RNLS: variants seen among roughly 807,000 people sequenced by gnomAD.
RNLS encodes renalase, FAD dependent amine oxidase, also known as renalase.
In RNLS, 39 loss-of-function variants were observed where a neutral mutation model predicts 39.8. The observed-to-expected ratio is 0.98, with a 90% CI of 0.76 to 1.28. The LOEUF (loss-of-function observed/expected upper bound fraction) is 1.28, where lower values mean the gene tolerates loss of function less well. Among genes scored for constraint, RNLS ranks in the 50% most tolerant of loss-of-function variants. The pLI is 0.00. For missense variants in RNLS, 410 were observed against 413.3 expected (o/e 0.99, Z 0.07); for synonymous variants, 147 against 150.7 (o/e 0.98, Z 0.18).
chr10:88,193,246 G>T, the RNLS span, among the ~76,000 whole-genome samples: 2 of 152,274 alleles, frequency 1.3e-5, no homozygotes, highest in African/African-American at 2.4e-5. Context: ...CCCACAGAGC[G>T]AGTGTGTGCC....
chr10:88,340,367 A>G (rs1847839098), intron 5 of RNLS, among the ~76,000 whole-genome samples: 1 of 152,222 alleles, frequency 6.6e-6, no homozygotes, highest in African/African-American at 2.4e-5. Context: ...TGTGAGACAG[A>G]TCTCTCCTAT....
intron 4 of RNLS, among the ~76,000 whole-genome samples, chr10:88,404,371 T>C (rs571170299): frequency 6.6e-6 from 1 of 152,112 alleles, no homozygotes; most frequent in African/African-American, 2.4e-5. Flanking sequence ...ATCTGGATAA[T>C]GAAAGAGTTC....
intron 4 of RNLS, among the ~76,000 whole-genome samples, chr10:88,403,865 T>C (rs1287287274): frequency 6.6e-6 from 1 of 151,772 alleles, no homozygotes; most frequent in South Asian, 2.1e-4. Context: ...GGAGACCCTG[T>C]CTCTACAAAA....
In RNLS at chr10:88,284,295, T is replaced by G. The variant is rs1175052869; in HGVS notation, c.*1059A>C. 1.0e-6 allele frequency: 1 copy of G among 985,362 alleles called. No homozygotes were observed. The highest frequency in any genetic ancestry group is 1.2e-6 in the Non-Finnish European group (1 of 829,896). 61.0% of individuals were successfully genotyped at this position (985,362 alleles called of 1,614,324 possible). The stretch of plus-strand genomic sequence containing the variant: ...TAAGAAGTCTTTTGTTGAACTTTTG[T>G]TAGTTTGAGAGGCTGCAATGATTTT... On this transcript the variant is annotated 3_prime_UTR_variant, in exon 7 of 7. Transcript: ENST00000331772.
At chr10:88,378,808 AG>A (rs1851228370) in intron 4 of RNLS, among the ~76,000 whole-genome samples, 1 of 152,226 alleles carries the variant, frequency 6.6e-6, no homozygotes, top group Non-Finnish European at 1.5e-5. Context: ...AAGGCTCCCA[AG>A]TCATGTAAAA....
chr10:88,455,891 C>T (rs1240899649), intron 4 of RNLS, among the ~76,000 whole-genome samples: 1 of 152,114 alleles, frequency 6.6e-6, no homozygotes, highest in African/African-American at 2.4e-5. Context: ...ATCATTTGAT[C>T]TTTTTGTTTT....
the RNLS span, among the ~76,000 whole-genome samples, chr10:88,216,935 C>A: frequency 2.0e-5 from 3 of 152,072 alleles, no homozygotes; most frequent in South Asian, 6.2e-4. Context: ...GTTGCCCAGG[C>A]GCTGGTTAGG....
At position 88,285,281 on chromosome 10, in the gene RNLS, A is replaced by G; in HGVS notation, c.*73T>C. The G allele has an allele frequency of 7.0e-7, 1 of 1,437,738 alleles. No homozygotes were observed. The highest frequency in any genetic ancestry group is 9.2e-7 in the Non-Finnish European group (1 of 1,087,556). 89.1% of individuals were successfully genotyped at this position (1,437,738 alleles called of 1,614,324 possible). A position where few individuals can be genotyped will look rare whatever the true frequency, so the allele number is the denominator to read the frequency against. On this transcript the variant is annotated 3_prime_UTR_variant, in exon 7 of 7. Coordinates refer to ENST00000331772, the MANE Select transcript of RNLS (RefSeq NM_001031709.3). ...AGTAATTTTTCTTAGCAAAATAGAAAACAAAATAATCAATAACAGAAAATT... is the reference window on the plus strand; with the variant it reads ...AGTAATTTTTCTTAGCAAAATAGAAGACAAAATAATCAATAACAGAAAATT...
the RNLS span, among the ~76,000 whole-genome samples, chr10:88,203,383 TATAC>T: frequency 2.6e-4 from 3 of 11,522 alleles, no homozygotes; most frequent in African/African-American, 1.0e-3. Flanking sequence ...TATATATATA[TATAC>T]ACGTATGTGT....
intron 4 of RNLS, among the ~76,000 whole-genome samples, chr10:88,568,447 T>C (rs187474023): frequency 6.6e-6 from 1 of 152,098 alleles, no homozygotes; most frequent in African/African-American, 2.4e-5. Flanking sequence ...AACCACTGAA[T>C]TGTACATTTT....
chr10:88,464,757 G>GAA (rs34553557), intron 4 of RNLS, among the ~76,000 whole-genome samples: 12 of 150,604 alleles, frequency 8.0e-5, no homozygotes, highest in African/African-American at 2.2e-4. Flanking sequence ...GCAAAGAACT[G>GAA]AAAAAAAAAT....
At chr10:88,372,063 G>A (rs150565798) in intron 4 of RNLS, among the ~76,000 whole-genome samples, 376 of 152,180 alleles carry the variant, frequency 2.5e-3, no homozygotes, top group Middle Eastern at 6.8e-3. Context: ...CATGACTTTT[G>A]TTCCCATAGG....
chr10:88,387,313 C>A (rs541672908), intron 4 of RNLS, among the ~76,000 whole-genome samples: 2 of 152,054 alleles, frequency 1.3e-5, no homozygotes, highest in South Asian at 4.2e-4. Flanking sequence ...AGACCTGAAG[C>A]CCTAGCAACA....
At chr10:88,440,579 T>C (rs1841655315) in intron 4 of RNLS, among the ~76,000 whole-genome samples, 1 of 151,030 alleles carries the variant, frequency 6.6e-6, no homozygotes. Flanking sequence ...AAATTCTTTG[T>C]ATCCCTTACC....
the RNLS span, among the ~76,000 whole-genome samples, chr10:88,231,466 G>T: frequency 2.0e-5 from 3 of 152,080 alleles, no homozygotes; most frequent in East Asian, 5.8e-4. Context: ...TGTGGTATTT[G>T]GTTATGGCAG....
intron 4 of RNLS, among the ~76,000 whole-genome samples, chr10:88,433,767 C>T (rs969027096): frequency 2.0e-5 from 3 of 152,000 alleles, no homozygotes; most frequent in South Asian, 4.1e-4. Context: ...CAGCCACACC[C>T]GTCATCACTG....
At chr10:88,360,985 A>T (rs1849601734) in intron 5 of RNLS, among the ~76,000 whole-genome samples, 1 of 152,218 alleles carries the variant, frequency 6.6e-6, no homozygotes, top group Non-Finnish European at 1.5e-5. Flanking sequence ...TGGGTGACTT[A>T]AACAACAGAA....
chr10:88,244,011 A>G, the RNLS span, among the ~76,000 whole-genome samples: 25,464 of 152,154 alleles, frequency 0.17, 2,346 homozygotes, highest in South Asian at 0.23. Context: ...CGCCTTTGCT[A>G]AGCTTTAGAT....
chr10:88,522,111 T>A (rs554270323), intron 4 of RNLS, among the ~76,000 whole-genome samples: 1 of 152,180 alleles, frequency 6.6e-6, no homozygotes, highest in South Asian at 2.1e-4. Flanking sequence ...TTACTACAGT[T>A]CCCTGAAATG....
Sources: gnomAD v4.1 joint callset for allele counts (sites outside exome capture counted in the v4.1 genomes callset) on GRCh38, gnomAD v4.1.1 for gene constraint, MANE v1.5 for transcripts, NCBI Gene and HGNC (gene_info 2026-07-23, HGNC 2026-07-21) for gene names.